Variants in CSF1R observed in about 807,000 individuals in gnomAD.
CSF1R encodes the protein colony stimulating factor 1 receptor, also known as macrophage colony-stimulating factor 1 receptor.
Under a neutral mutation model 110.0 loss-of-function variants are expected in CSF1R, and 40 were observed. The ratio of observed to expected loss-of-function variants is 0.36; its 90% CI spans 0.28 to 0.47. The LOEUF is 0.47. Among genes scored for constraint, CSF1R ranks in the 20% least tolerant of loss-of-function variants. CSF1R has a pLI of 0.99. For missense variants in CSF1R, 1,052 were observed against 1,253.0 expected (o/e 0.84, Z 2.42); for synonymous variants, 523 against 503.4 (o/e 1.04, Z -0.52).
intron 9 of CSF1R, among the ~76,000 whole-genome samples, 184 bp from the exon 10 acceptor site, chr5:150,068,514 C>A (rs958409110): frequency 6.6e-6 from 1 of 152,168 alleles, no homozygotes; most frequent in Admixed American, 6.5e-5. Flanking sequence ...GCAGAGAGGA[C>A]GGCCTCTTCA....
chr5:150,084,198 G>A (rs1432518810), intron 1 of CSF1R, among the ~76,000 whole-genome samples: 2 of 151,724 alleles, frequency 1.3e-5, no homozygotes, highest in Non-Finnish European at 2.9e-5. Context: ...TTAGCTGGGT[G>A]TGGTGGCAGG....
chr5:150,100,302 T>TTTTTTC (rs1759366750), intron 1 of CSF1R, among the ~76,000 whole-genome samples: 1 of 132,352 alleles, frequency 7.6e-6, no homozygotes, highest in African/African-American at 2.9e-5. Context: ...TTTTTTTTTT[T>TTTTTTC]TTTTTTTTTT....
chr5:150,107,665 G>A (rs914621643), intron 1 of CSF1R, among the ~76,000 whole-genome samples: 3 of 152,216 alleles, frequency 2.0e-5, no homozygotes, highest in African/African-American at 7.2e-5. Context: ...TCAATGGCAG[G>A]GGCTCTCAGG....
At chr5:150,083,643 C>A (rs760181235) in intron 1 of CSF1R, among the ~76,000 whole-genome samples, 1 of 151,994 alleles carries the variant, frequency 6.6e-6, no homozygotes, top group Non-Finnish European at 1.5e-5. Context: ...ACACCATGCC[C>A]CTGTGAAGGG....
chr5:150,093,171 C>G lies in CSF1R; in HGVS notation c.-180-6564G>C, dbSNP rs577486886. Among the ~76,000 whole-genome samples the G allele has an allele frequency of 3.5e-4, 54 of 152,244 alleles. 1 individual carries two copies. Among genetic ancestry groups the G allele is most frequent in the African/African-American group, 1.3e-3 (53 of 41,540 alleles). On this transcript the variant is annotated intron_variant, in intron 1 of 21. Coordinates refer to the CSF1R transcript ENST00000286301. ...TTGGCTCACTGCAACTTCCACCTCCCAGGTTCAAGCGATTCTCACGCATCA... is the reference window on the plus strand; with the variant it reads ...TTGGCTCACTGCAACTTCCACCTCCGAGGTTCAAGCGATTCTCACGCATCA...
At chr5:150,054,594 C>G in intron 19 of CSF1R, 164 bp from the exon 20 acceptor site, 1 of 597,852 alleles carries the variant, frequency 1.7e-6, no homozygotes, top group Non-Finnish European at 2.9e-6. Context: ...CCATTTAATC[C>G]TCACAGTAAC....
chr5:150,081,487 G>T (rs558675000), intron 1 of CSF1R, among the ~76,000 whole-genome samples: 1 of 152,164 alleles, frequency 6.6e-6, no homozygotes, highest in Non-Finnish European at 1.5e-5. Context: ...AGAGATGTAG[G>T]ATCTTAGCCC....
Position 150,061,816 on chromosome 5 carries a change from C to G in CSF1R, c.1660G>C (p.Glu554Gln). The change falls in exon 11 of 21, where the codon GAG becomes CAG. Residue 554 changes from glutamate (E) to glutamine (Q), a missense_variant. Around this residue, in one of 5 missense-constraint regions of CSF1R, gnomAD observed 693 missense variants for 735.4 expected, o/e 0.94. Transcript: ENST00000675795. Reference protein sequence around the residue: ...PKYQVRWKIIESYEGNSYTFI... With the variant: ...PKYQVRWKIIQSYEGNSYTFI... ...GTATAACTGTTGCCCTCATAGCTCT[C>G]GATGATCTTCCAGCGGACCTGGTAC... 6.2e-7 allele frequency: 1 copy of G among 1,614,170 alleles called. No homozygotes were observed. The highest frequency in any genetic ancestry group is 8.5e-7 in the Non-Finnish European group (1 of 1,180,036).
chr5:150,085,335 G>A (rs535195341), intron 1 of CSF1R, among the ~76,000 whole-genome samples: 9 of 149,216 alleles, frequency 6.0e-5, no homozygotes, highest in Non-Finnish European at 1.0e-4. Flanking sequence ...GGCCAGAGAA[G>A]GATGGTCAGT....
At chr5:150,056,828 G>A (rs1383552124) in intron 16 of CSF1R, among the ~76,000 whole-genome samples, 1 of 152,158 alleles carries the variant, frequency 6.6e-6, no homozygotes, top group East Asian at 1.9e-4. Context: ...AGGTGGCAGA[G>A]CCAACAATCA....
At chr5:150,068,077 A>G in intron 10 of CSF1R, 138 bp downstream of exon 10, 4 of 673,668 alleles carry the variant, frequency 5.9e-6, no homozygotes, top group East Asian at 2.6e-5. Flanking sequence ...TCATGTTGGC[A>G]TACAGTAGGC....
chr5:150,073,585 TG>T (rs1479422884), intron 5 of CSF1R, 92 bp from the exon 6 acceptor site: 10 of 1,319,932 alleles, frequency 7.6e-6, no homozygotes, highest in African/African-American at 1.5e-5. Context: ...ATCCAGTCCC[TG>T]AGCAGCTATG....
chr5:150,085,278 A>AAAAAAAAAAAAAAAAAC (rs1758788840), intron 1 of CSF1R, among the ~76,000 whole-genome samples: 1 of 58,098 alleles, frequency 1.7e-5, no homozygotes, highest in Non-Finnish European at 3.7e-5. Flanking sequence ...CTGTCTCAGG[A>AAAAAAAAAAAAAAAAAC]AAAAAAAAAA....
upstream of CSF1R, among the ~76,000 whole-genome samples, chr5:150,089,374 T>C (rs1561952734): frequency 6.6e-6 from 1 of 152,158 alleles, no homozygotes; most frequent in Non-Finnish European, 1.5e-5. Context: ...TCAGCAAACC[T>C]GCAGGATACA....
At chr5:150,071,039 C>G (rs1758010123) in intron 6 of CSF1R, among the ~76,000 whole-genome samples, 1 of 152,198 alleles carries the variant, frequency 6.6e-6, no homozygotes, top group Non-Finnish European at 1.5e-5. Context: ...TGTTTCTTGG[C>G]TGTGTGATCT....
chr5:150,073,637 G>T, intron 5 of CSF1R, 144 bp from the exon 6 acceptor site: 1 of 730,138 alleles, frequency 1.4e-6, no homozygotes, highest in Non-Finnish European at 2.2e-6. Flanking sequence ...CAGGTCCTCT[G>T]ACACCCCTCT....
intron 16 of CSF1R, 108 bp from the exon 17 acceptor site, chr5:150,056,449 G>T: frequency 7.0e-7 from 1 of 1,419,542 alleles, no homozygotes; most frequent in South Asian, 1.3e-5. Flanking sequence ...CTGCTGGAGT[G>T]AACAACAGTT....
chr5:150,068,944 T>C (rs1026240913), intron 9 of CSF1R, among the ~76,000 whole-genome samples: 1 of 152,224 alleles, frequency 6.6e-6, no homozygotes, highest in Non-Finnish European at 1.5e-5. Context: ...CCTGTGCCAC[T>C]TGGGAGCTGT....
intron 2 of CSF1R, among the ~76,000 whole-genome samples, 172 bp downstream of exon 2, chr5:150,080,595 G>A (rs977552466): frequency 3.3e-5 from 5 of 152,206 alleles, no homozygotes; most frequent in Non-Finnish European, 7.3e-5. Context: ...TCATAGACCC[G>A]ACTTGCAGGG....
Sources: gnomAD v4.1 joint callset for allele counts (sites outside exome capture counted in the v4.1 genomes callset) on GRCh38, gnomAD v4.1.1 for gene constraint, gnomAD v4.1.1 regional missense constraint, MANE v1.5 for transcripts, NCBI Gene and HGNC (gene_info 2026-07-23, HGNC 2026-07-21) for gene names.